Variants in NEK1 observed in about 807,000 individuals in gnomAD.
NEK1 encodes the protein NIMA related kinase 1, also known as serine/threonine-protein kinase Nek1.
NEK1 carries 137 observed loss-of-function variants against 182.1 expected under a neutral mutation model. The observed-to-expected ratio is 0.75, with a 90% CI of 0.65 to 0.87. NEK1 has a LOEUF of 0.87. NEK1 is among the 40% of genes least tolerant of loss of function. NEK1 has a pLI of 0.00. For synonymous variants in NEK1, 513 were observed against 492.2 expected, an observed-to-expected ratio of 1.04 and a Z score of -0.56; for missense variants, 1,391 against 1,494.4, an observed-to-expected ratio of 0.93 and a Z score of 1.14.
Position 169,507,112 on chromosome 4 carries a change from A to T in NEK1, c.1932T>A (p.Ala644=). The T allele has an allele frequency of 6.2e-7, 1 of 1,603,904 alleles. No homozygotes were observed. Residue 644 remains alanine (A), a synonymous_variant, in exon 23 of 36, where the codon GCT becomes GCA. Coordinates refer to ENST00000507142, the MANE Select transcript of NEK1 (RefSeq NM_001199397.3). ...GTTCTAGTTGTTCTTTTAGTACAGC[A>T]GCACGTGCATTTGCATGGGCCTAAA... ...ESLKAHANAR[A]AVLKEQLERK...
intron 23 of NEK1, among the ~76,000 whole-genome samples, chr4:169,493,173 C>T (rs753443599): frequency 3.3e-5 from 5 of 152,166 alleles, no homozygotes; most frequent in Non-Finnish European, 7.4e-5. Context: ...ACCACACAAA[C>T]CTACCTGCAA....
intron 23 of NEK1, among the ~76,000 whole-genome samples, chr4:169,491,164 G>A (rs112639139): frequency 0.1 from 11,274 of 108,640 alleles, 1,070 homozygotes; most frequent in African/African-American, 0.22. Context: ...AAAAAAAAAA[G>A]AGAGATGGAG....
intron 19 of NEK1, among the ~76,000 whole-genome samples, chr4:169,524,264 G>A (rs550396630): frequency 2.0e-5 from 3 of 152,022 alleles, no homozygotes; most frequent in Admixed American, 1.3e-4. Flanking sequence ...CAAGTGTTTG[G>A]GGCCAGCCTG....
chr4:169,564,556 T>C (rs1331448670), intron 12 of NEK1, among the ~76,000 whole-genome samples: 1 of 152,074 alleles, frequency 6.6e-6, no homozygotes, highest in African/African-American at 2.4e-5. Context: ...AAAATAAACA[T>C]GACCCTCACA....
chr4:169,509,507 G>A (rs1471541300), intron 19 of NEK1, among the ~76,000 whole-genome samples: 1 of 151,860 alleles, frequency 6.6e-6, no homozygotes, highest in African/African-American at 2.4e-5. Flanking sequence ...CTTATTGAAT[G>A]TGTATTTTTT....
chr4:169,576,737 TTTAC>T (rs1181784101), intron 12 of NEK1, 187 bp downstream of exon 12: 2 of 477,436 alleles, frequency 4.2e-6, no homozygotes, highest in East Asian at 3.9e-5. Flanking sequence ...ACTTAATATA[TTTAC>T]TTAATGACTT....
chr4:169,441,346 G>A (rs535658741), intron 27 of NEK1, among the ~76,000 whole-genome samples: 1 of 152,342 alleles, frequency 6.6e-6, no homozygotes, highest in South Asian at 2.1e-4. Flanking sequence ...GCCACCACCT[G>A]AGAATGCTAC....
chr4:169,521,391 C>T (rs1351530132), intron 19 of NEK1, among the ~76,000 whole-genome samples: 13 of 143,812 alleles, frequency 9.0e-5, no homozygotes, highest in Admixed American at 5.6e-4. Flanking sequence ...ACACACTGGC[C>T]TGCGCCCACT....
At chr4:169,423,598 C>T (rs1735856895) in intron 31 of NEK1, among the ~76,000 whole-genome samples, 1 of 152,046 alleles carries the variant, frequency 6.6e-6, no homozygotes, top group African/African-American at 2.4e-5. Flanking sequence ...ATTTAACACA[C>T]AGAGAAATGG....
intron 28 of NEK1, among the ~76,000 whole-genome samples, chr4:169,434,212 T>G (rs1488174034): frequency 6.8e-6 from 1 of 147,534 alleles, no homozygotes; most frequent in Non-Finnish European, 1.5e-5. Flanking sequence ...GTTTTTTTTT[T>G]TTTTTTTTTT....
At chr4:169,469,274 C>G (rs1344233778) in intron 26 of NEK1, among the ~76,000 whole-genome samples, 2 of 152,202 alleles carry the variant, frequency 1.3e-5, no homozygotes, top group Non-Finnish European at 2.9e-5. Context: ...AAATTTCCCT[C>G]TAAACACTGC....
At chr4:169,466,658 A>G (rs553548759) in intron 26 of NEK1, among the ~76,000 whole-genome samples, 1 of 152,252 alleles carries the variant, frequency 6.6e-6, no homozygotes, top group African/African-American at 2.4e-5. Flanking sequence ...CAGACATACA[A>G]ATGTTGAAAG....
chr4:169,556,011 C>A lies in NEK1; in HGVS notation c.1351G>T (p.Asp451Tyr), dbSNP rs772130667. The change falls in exon 17 of 36, where the codon GAC becomes TAC. Residue 451 changes from aspartate to tyrosine, a missense_variant. Transcript: ENST00000507142. Reference sequence around the variant, plus strand: ...TCTGCTCTTTGTTGCTGCATTTGGTCAAAAATGGCATGGTAATGTTCATAC... The same window carrying A: ...TCTGCTCTTTGTTGCTGCATTTGGTAAAAAATGGCATGGTAATGTTCATAC... ...GQYEHYHAIF[D>Y]QMQQQRAEDN... The A allele has an allele frequency of 1.2e-6, 2 of 1,613,484 alleles. No homozygotes were observed. The highest frequency in any genetic ancestry group is 2.2e-5 in the East Asian group (1 of 44,852).
At chr4:169,431,604 A>G (rs1327046283) in intron 29 of NEK1, among the ~76,000 whole-genome samples, 1 of 152,134 alleles carries the variant, frequency 6.6e-6, no homozygotes, top group East Asian at 1.9e-4. Flanking sequence ...TAAAAAAATC[A>G]AATATTTAAA....
At chr4:169,413,862 CA>C (rs896756979) in intron 31 of NEK1, among the ~76,000 whole-genome samples, 62 of 152,116 alleles carry the variant, frequency 4.1e-4, no homozygotes, top group Admixed American at 1.4e-3. Context: ...ACTAAAAATA[CA>C]AAAATTAGCT....
intron 31 of NEK1, among the ~76,000 whole-genome samples, chr4:169,420,649 G>T (rs1002278354): frequency 3.3e-5 from 5 of 152,142 alleles, no homozygotes; most frequent in African/African-American, 1.2e-4. Flanking sequence ...ACTGCCTATA[G>T]TTGTAAGGTT....
chr4:169,396,041 A>G (rs1374587819), intron 35 of NEK1, among the ~76,000 whole-genome samples: 3 of 152,158 alleles, frequency 2.0e-5, no homozygotes, highest in Non-Finnish European at 4.4e-5. Context: ...CCTAAAATGA[A>G]TATGAAGAGA....
At chr4:169,608,975 C>T (rs1220922451) in intron 2 of NEK1, among the ~76,000 whole-genome samples, 3 of 150,152 alleles carry the variant, frequency 2.0e-5, no homozygotes, top group Non-Finnish European at 4.4e-5. Flanking sequence ...ACAGGAGAAT[C>T]GCTTGAACCT....
At chr4:169,499,673 A>T (rs1418032018) in intron 23 of NEK1, among the ~76,000 whole-genome samples, 2 of 152,162 alleles carry the variant, frequency 1.3e-5, no homozygotes, top group Non-Finnish European at 2.9e-5. Flanking sequence ...TCCACTCCAG[A>T]CCGTTTGCCT....
Sources: allele counts gnomAD v4.1 joint callset (sites outside exome capture counted in the v4.1 genomes callset), GRCh38; gene constraint gnomAD v4.1.1; transcripts MANE v1.5; gene names NCBI Gene and HGNC (gene_info 2026-07-23, HGNC 2026-07-21).